Variants in DOCK11 observed in about 807,000 individuals in gnomAD.
The protein encoded by DOCK11 is dedicator of cytokinesis protein 11.
DOCK11 carries 70 observed loss-of-function variants against 169.1 expected under a neutral mutation model. The ratio of observed to expected loss-of-function variants is 0.41; its 90% CI spans 0.34 to 0.51. The LOEUF (loss-of-function observed/expected upper bound fraction) is 0.51. Ranked by LOEUF, DOCK11 falls within the 20% of genes least tolerant of loss-of-function variation. The probability of loss-of-function intolerance (pLI) is 0.10; values close to 1 mark genes in which losing one functional copy is unlikely to be tolerated. For synonymous variants in DOCK11, 529 were observed against 541.3 expected (o/e 0.98, Z 0.32); for missense variants, 1,166 against 1,538.8 (o/e 0.76, Z 4.05).
intron 1 of DOCK11, among the ~76,000 whole-genome samples, chrX:118,497,817 C>G (rs770050258): frequency 8.9e-6 from 1 of 112,466 alleles, no homozygotes; most frequent in Non-Finnish European, 1.9e-5. Flanking sequence ...CCAGATTTCT[C>G]GAGAATAAAT....
At chrX:118,592,154 G>A (rs977583575) in intron 19 of DOCK11, among the ~76,000 whole-genome samples, 1 of 110,470 alleles carries the variant, frequency 9.1e-6, no homozygotes, top group Non-Finnish European at 1.9e-5. Context: ...ACCCAGTAAT[G>A]GGATGGCTGG....
intron 44 of DOCK11, among the ~76,000 whole-genome samples, chrX:118,660,497 C>T (rs1235417628): frequency 4.5e-5 from 5 of 110,703 alleles, no homozygotes; most frequent in Non-Finnish European, 7.6e-5. Context: ...GATGGCGTCT[C>T]GCTGTGTCAC....
Position 118,636,320 on chromosome X carries a change from T to A in DOCK11, c.3887-26T>A, listed in dbSNP as rs752839021. On this transcript the variant is annotated intron_variant, in intron 35 of 52. Coordinates refer to ENST00000276202, the MANE Select transcript of DOCK11 (RefSeq NM_144658.4). ...TATTTGCTGTAATTATTTCAAGATCTAACACTTTATTTATTCCATTTTCAG... is the reference window on the plus strand; with the variant it reads ...TATTTGCTGTAATTATTTCAAGATCAAACACTTTATTTATTCCATTTTCAG... 6 of 1,009,450 alleles carry A rather than the reference T, an allele frequency of 5.9e-6. No individual in the cohort carries two copies. In the South Asian group the frequency reaches 1.3e-4, roughly 22 times the overall value. The allele number at this position is 1,009,450 out of a possible 1,213,427, so 83.2% of individuals were successfully genotyped here.
intron 42 of DOCK11, among the ~76,000 whole-genome samples, chrX:118,654,382 A>G (rs1157993949): frequency 8.9e-6 from 1 of 112,068 alleles, no homozygotes. Flanking sequence ...TAATGCTTTT[A>G]TGTCCTGTGA....
intron 23 of DOCK11, among the ~76,000 whole-genome samples, chrX:118,604,493 T>C (rs140942232): frequency 0.049 from 5,018 of 102,781 alleles, 160 homozygotes; most frequent in Non-Finnish European, 0.076. Context: ...TGAATTGATA[T>C]AGAAAGATGC....
At chrX:118,669,115 A>T (rs770925128) in intron 45 of DOCK11, among the ~76,000 whole-genome samples, 6 of 111,703 alleles carry the variant, frequency 5.4e-5, no homozygotes, top group African/African-American at 1.3e-4. Context: ...TTTAATCAGA[A>T]CCCTATGGCA....
At chrX:118,684,565 C>G (rs1163467187) in intron 52 of DOCK11, among the ~76,000 whole-genome samples, 1 of 111,156 alleles carries the variant, frequency 9.0e-6, no homozygotes, top group African/African-American at 3.3e-5. Context: ...TGAGCCACCA[C>G]GCCTGGCTGC....
At chrX:118,518,218 C>A (rs2057701578) in intron 1 of DOCK11, among the ~76,000 whole-genome samples, 1 of 111,626 alleles carries the variant, frequency 9.0e-6, no homozygotes, top group Admixed American at 9.6e-5. Context: ...GAATTATGAG[C>A]TTTGAAATGG....
chrX:118,624,416 C>T (rs972821866), intron 31 of DOCK11, 123 bp from the exon 32 acceptor site: 6 of 451,340 alleles, frequency 1.3e-5, no homozygotes, highest in Non-Finnish European at 1.9e-5. Flanking sequence ...ATTCATGCTT[C>T]AGTAATTTGT....
At chrX:118,515,781 GA>G (rs1478886592) in intron 1 of DOCK11, among the ~76,000 whole-genome samples, 1 of 107,219 alleles carries the variant, frequency 9.3e-6, no homozygotes, top group African/African-American at 3.4e-5. Flanking sequence ...TAGGAGACTA[GA>G]AAGCTATTGC....
At chrX:118,579,403 C>T (rs1464563359) in intron 13 of DOCK11, among the ~76,000 whole-genome samples, 1 of 87,586 alleles carries the variant, frequency 1.1e-5, no homozygotes, top group East Asian at 2.9e-4. Context: ...AGTAGCACTC[C>T]AGCTACTGTG....
chrX:118,575,615 G>A (rs1261633739), intron 12 of DOCK11, among the ~76,000 whole-genome samples: 1 of 111,939 alleles, frequency 8.9e-6, no homozygotes, highest in Non-Finnish European at 1.9e-5. Flanking sequence ...TCCTCAAGTT[G>A]TCCCTTATCC....
chrX:118,596,181 T>G (rs2014162757), intron 20 of DOCK11, among the ~76,000 whole-genome samples: 2 of 112,439 alleles, frequency 1.8e-5, no homozygotes, highest in African/African-American at 3.2e-5. Context: ...TTGTCAAATT[T>G]TTAGTTTAAC....
intron 1 of DOCK11, among the ~76,000 whole-genome samples, chrX:118,500,760 G>A (rs1248948671): frequency 9.1e-6 from 1 of 110,342 alleles, no homozygotes; most frequent in Non-Finnish European, 1.9e-5. Context: ...AGCTGGGACT[G>A]CAGGCAAACG....
At chrX:118,530,902 A>G (rs2011512793) in intron 1 of DOCK11, among the ~76,000 whole-genome samples, 1 of 112,274 alleles carries the variant, frequency 8.9e-6, no homozygotes, top group African/African-American at 3.2e-5. Flanking sequence ...GTGAATCTAT[A>G]GAACTAAGTT....
intron 52 of DOCK11, among the ~76,000 whole-genome samples, chrX:118,684,518 C>T (rs950491053): frequency 1.8e-5 from 2 of 109,954 alleles, no homozygotes; most frequent in Non-Finnish European, 1.9e-5. Flanking sequence ...TCGTAATCCA[C>T]CCGCCTCGGC....
chrX:118,624,735 T>A, intron 32 of DOCK11, 80 bp downstream of exon 32: 1 of 540,279 alleles, frequency 1.9e-6, no homozygotes, highest in Non-Finnish European at 3.0e-6. Context: ...TGCTATATGA[T>A]CTCAACCTTA....
At chrX:118,603,424 T>C (rs1160223012) in intron 23 of DOCK11, among the ~76,000 whole-genome samples, 1 of 112,344 alleles carries the variant, frequency 8.9e-6, no homozygotes, top group Non-Finnish European at 1.9e-5. Flanking sequence ...ATGTTGAGAA[T>C]AAATTACAGA....
rs2014883443 is a variant in DOCK11 at position 118,618,641 on chromosome X, G to T, written c.3384G>T (p.Gln1128His). 1 of 1,205,684 alleles carries T rather than the reference G, an allele frequency of 8.3e-7. No homozygotes were observed. The highest frequency in any genetic ancestry group is 1.1e-6 in the Non-Finnish European group (1 of 892,015). ...TGAGGGAAACTTCCATTGCTCTTCAGGACAATTATGAGATCAGATATACAG... is the reference window on the plus strand; with the variant it reads ...TGAGGGAAACTTCCATTGCTCTTCATGACAATTATGAGATCAGATATACAG... ...LLLRETSIALQDNYEIRYTAI... is the reference protein window; with the variant it reads ...LLLRETSIALHDNYEIRYTAI... The change falls in exon 31 of 53, where the codon CAG becomes CAT. Residue 1128 changes from glutamine (Q) to histidine (H), a missense_variant. Gln to His is a conservative substitution (Grantham distance 24). Coordinates refer to ENST00000276202, the MANE Select transcript of DOCK11 (RefSeq NM_144658.4).
Sources: gnomAD v4.1 joint callset for allele counts (sites outside exome capture counted in the v4.1 genomes callset) on GRCh38, gnomAD v4.1.1 for gene constraint, MANE v1.5 for transcripts, NCBI Gene and HGNC (gene_info 2026-07-23, HGNC 2026-07-21) for gene names.